COL23A1: variants seen among roughly 807,000 people sequenced by gnomAD.
The protein encoded by COL23A1 is collagen alpha-1(XXIII) chain.
In COL23A1, 97 loss-of-function variants were observed where a neutral mutation model predicts 99.3. That is an observed-to-expected ratio of 0.98 (90% confidence interval 0.83 to 1.16). The LOEUF (loss-of-function observed/expected upper bound fraction) is 1.16. Ranked by LOEUF, COL23A1 falls within the 50% of genes most tolerant of loss-of-function variation. The probability of loss-of-function intolerance (pLI) is 0.00; values close to 1 mark genes in which losing one functional copy is unlikely to be tolerated. For missense variants in COL23A1, 762 were observed against 757.4 expected, an observed-to-expected ratio of 1.01 and a Z score of -0.07; for synonymous variants, 320 against 308.2, an observed-to-expected ratio of 1.04 and a Z score of -0.40.
At chr5:178,576,971 G>A (rs540196981) in intron 1 of COL23A1, among the ~76,000 whole-genome samples, 1 of 151,966 alleles carries the variant, frequency 6.6e-6, no homozygotes, top group Non-Finnish European at 1.5e-5. Flanking sequence ...CGGCCCCAGC[G>A]CAGCGCCCGG....
chr5:178,384,598 C>G lies in COL23A1; in HGVS notation c.362-77679G>C, dbSNP rs1361212600. 6.6e-6 allele frequency among the ~76,000 whole-genome samples: 1 copy of G among 152,214 alleles called. No homozygotes were observed. On this transcript the variant is annotated intron_variant, in intron 2 of 28. Transcript: ENST00000390654. The surrounding 1 kb of genome is among the most constrained non-coding windows in gnomAD (Gnocchi z 5.5). The stretch of plus-strand genomic sequence containing the variant: ...TCCTGCGCTGATTCTGCTCCTGCCT[C>G]AGAGATCACGGTTTGACATGGGAAA...
intron 2 of COL23A1, among the ~76,000 whole-genome samples, chr5:178,358,928 A>G (rs1338105931): frequency 1.3e-5 from 2 of 152,236 alleles, no homozygotes; most frequent in Non-Finnish European, 2.9e-5. Context: ...AGATTCCATC[A>G]CCTTTACATG....
intron 1 of COL23A1, among the ~76,000 whole-genome samples, chr5:178,583,045 C>A (rs770552778): frequency 6.6e-6 from 1 of 152,260 alleles, no homozygotes; most frequent in Admixed American, 6.5e-5. Flanking sequence ...TGACATTTCT[C>A]CCCCTGTAAA....
rs556500736 is a variant in COL23A1, at chr5:178,391,093, C to T, written c.362-84174G>A. Among the ~76,000 whole-genome samples, 23 of 152,332 alleles carry T rather than the reference C, an allele frequency of 1.5e-4. No individual in the cohort carries two copies. In the East Asian group the frequency reaches 3.7e-3, roughly 24 times the overall value. On this transcript the variant is annotated intron_variant, in intron 2 of 28. Coordinates refer to ENST00000390654, the MANE Select transcript of COL23A1 (RefSeq NM_173465.4). ...GCTCCACCTTCTGTCAGATCAGCAG[C>T]GGCATCAGATTCTCATAGGAGCATG...
chr5:178,458,135 C>T (rs571761897), intron 2 of COL23A1, among the ~76,000 whole-genome samples: 25 of 2,798 alleles, frequency 8.9e-3, no homozygotes, highest in Non-Finnish European at 0.013. Context: ...GATGAGAACC[C>T]TTGGGTGTCA....
At chr5:178,288,418 C>G in intron 4 of COL23A1, 68 bp from the exon 5 acceptor site, 1 of 1,376,696 alleles carries the variant, frequency 7.3e-7, no homozygotes, top group South Asian at 1.2e-5. Flanking sequence ...ACTTAGAGCT[C>G]AATCAGGGCC....
At chr5:178,575,987 C>T (rs946129833) in intron 1 of COL23A1, among the ~76,000 whole-genome samples, 1 of 152,174 alleles carries the variant, frequency 6.6e-6, no homozygotes, top group Non-Finnish European at 1.5e-5. Flanking sequence ...GGATAAAAAC[C>T]CAACTCAAAT....
intron 2 of COL23A1, among the ~76,000 whole-genome samples, chr5:178,401,860 G>T (rs59008505): frequency 0.37 from 55,470 of 151,886 alleles, 10,416 homozygotes; most frequent in Admixed American, 0.45. Context: ...TTGTTGCCCA[G>T]GCTGGAGTGC....
At chr5:178,328,012 C>T (rs560316255) in intron 2 of COL23A1, among the ~76,000 whole-genome samples, 5 of 152,328 alleles carry the variant, frequency 3.3e-5, no homozygotes, top group Non-Finnish European at 7.4e-5. Context: ...AGAGACTGTG[C>T]GTGCCCAATT....
intron 14 of COL23A1, 149 bp from the exon 15 acceptor site, chr5:178,256,546 G>A (rs1469020643): frequency 2.6e-5 from 18 of 686,356 alleles, no homozygotes; most frequent in Non-Finnish European, 3.5e-5. Flanking sequence ...CAGCACTCCA[G>A]GAACGGGGCT....
chr5:178,303,077 T>G (rs1220154986), intron 3 of COL23A1, among the ~76,000 whole-genome samples: 1 of 152,244 alleles, frequency 6.6e-6, no homozygotes, highest in Non-Finnish European at 1.5e-5. Flanking sequence ...CTCAGCTCAC[T>G]GCAACCTCTG....
intron 2 of COL23A1, among the ~76,000 whole-genome samples, chr5:178,360,470 T>G (rs974230785): frequency 6.6e-6 from 1 of 151,826 alleles, no homozygotes; most frequent in African/African-American, 2.4e-5. Flanking sequence ...CTGGGCCTCA[T>G]GTGGGGGGGG....
chr5:178,424,552 G>A (rs1765803750), intron 2 of COL23A1, among the ~76,000 whole-genome samples: 2 of 152,228 alleles, frequency 1.3e-5, no homozygotes, highest in Admixed American at 1.3e-4. Flanking sequence ...GAGGGAGGCA[G>A]TGCTAGGGCC....
chr5:178,429,964 C>T (rs924632781), intron 2 of COL23A1, among the ~76,000 whole-genome samples: 3 of 152,144 alleles, frequency 2.0e-5, no homozygotes, highest in East Asian at 1.9e-4. Flanking sequence ...TGTGCAGGGT[C>T]GCCCTTTCAT....
chr5:178,546,303 C>T (rs1024410190), intron 2 of COL23A1, among the ~76,000 whole-genome samples: 1 of 152,206 alleles, frequency 6.6e-6, no homozygotes, highest in East Asian at 1.9e-4. Flanking sequence ...CGGAACCACC[C>T]TGCACCCCAT....
At chr5:178,300,735 A>ATTT (rs563601112) in intron 3 of COL23A1, among the ~76,000 whole-genome samples, 3 of 150,354 alleles carry the variant, frequency 2.0e-5, no homozygotes, top group African/African-American at 7.4e-5. Context: ...TTATTTATTT[A>ATTT]TTTTTTTTAG....
chr5:178,449,010 GA>G (rs1767333035), intron 2 of COL23A1, among the ~76,000 whole-genome samples: 1 of 151,186 alleles, frequency 6.6e-6, no homozygotes, highest in African/African-American at 2.4e-5. Flanking sequence ...TAAAATAATG[GA>G]TTAGAGATGG....
intron 2 of COL23A1, among the ~76,000 whole-genome samples, chr5:178,540,885 T>C (rs1761249095): frequency 6.6e-6 from 1 of 152,170 alleles, no homozygotes. Flanking sequence ...CATGTTCACG[T>C]CTCTGAACTC....
At chr5:178,352,945 T>C (rs564777234) in intron 2 of COL23A1, among the ~76,000 whole-genome samples, 43 of 152,236 alleles carry the variant, frequency 2.8e-4, no homozygotes, top group African/African-American at 9.6e-4. Context: ...TCACATACCA[T>C]TGAAAGGGGA....
Sources: gnomAD v4.1 joint callset for allele counts (sites outside exome capture counted in the v4.1 genomes callset) on GRCh38, gnomAD v4.1.1 for gene constraint, Gnocchi (gnomAD v3.1) non-coding constraint, MANE v1.5 for transcripts, NCBI Gene and HGNC (gene_info 2026-07-23, HGNC 2026-07-21) for gene names.